Variants in SERF2 observed in about 807,000 individuals in gnomAD.
The protein encoded by SERF2 is small EDRK-rich factor 2.
SERF2 carries 4 observed loss-of-function variants against 10.7 expected under a neutral mutation model. The ratio of observed to expected loss-of-function variants is 0.37; its 90% CI spans 0.18 to 0.86. The LOEUF (loss-of-function observed/expected upper bound fraction) is 0.86. Among genes scored for constraint, SERF2 ranks in the 40% least tolerant of loss-of-function variants. The pLI is 0.43. For missense variants in SERF2, 47 were observed against 79.1 expected (o/e 0.59, Z 1.54); for synonymous variants, 26 against 26.0 (o/e 1.00, Z 0.01).
upstream of SERF2, among the ~76,000 whole-genome samples, chr15:43,790,702 G>GA (rs1040974868): frequency 3.3e-5 from 5 of 152,120 alleles, no homozygotes; most frequent in African/African-American, 7.2e-5. Context: ...ACAGGAAGCA[G>GA]AGGTTGCAGT....
chr15:43,789,006 G>A (rs1200212683), upstream of SERF2, among the ~76,000 whole-genome samples: 2 of 152,006 alleles, frequency 1.3e-5, no homozygotes, highest in South Asian at 4.1e-4. Flanking sequence ...AAAATTAGCC[G>A]GGCGTAGTGG....
In SERF2 at chr15:43,794,192, T is replaced by C; in HGVS notation, c.*419T>C. On this transcript the variant is annotated 3_prime_UTR_variant, in exon 3 of 3. Coordinates refer to ENST00000249786, the MANE Select transcript of SERF2 (RefSeq NM_001018108.4). Reference sequence around the variant, plus strand: ...GAAACATCACAGAAGAAGCCTTTATTATACAATGACAACCAAACAAGTACT... The same window carrying C: ...GAAACATCACAGAAGAAGCCTTTATCATACAATGACAACCAAACAAGTACT... 1.9e-6 allele frequency: 1 copy of C among 526,262 alleles called. No individual in the cohort carries two copies. The highest frequency in any genetic ancestry group is 3.3e-6 in the Non-Finnish European group (1 of 298,878). 32.6% of individuals were successfully genotyped at this position (526,262 alleles called of 1,614,324 possible).
Position 43,795,522 on chromosome 15 carries a change from C to T in SERF2, c.*1749C>T, listed in dbSNP as rs1193921795. 21 of 1,614,040 alleles carry T rather than the reference C, an allele frequency of 1.3e-5. No individual in the cohort carries two copies. The highest frequency in any genetic ancestry group is 1.7e-5 in the Non-Finnish European group (20 of 1,180,044). ...GAGGGGTTTCTTGGTCAGCTGGCCT[C>T]GCAGCCCCACCCCTTTGCCCTGGAG... On this transcript the variant is annotated 3_prime_UTR_variant, in exon 3 of 3. Coordinates refer to ENST00000249786, the MANE Select transcript of SERF2 (RefSeq NM_001018108.4).
chr15:43,784,834 C>A (rs1178333173), intron 1 of SERF2, among the ~76,000 whole-genome samples: 1 of 151,196 alleles, frequency 6.6e-6, no homozygotes, highest in Non-Finnish European at 1.5e-5. Flanking sequence ...CTCACTGCAA[C>A]CTCCACCTAC....
chr15:43,782,385 T>C (rs2086971689), intron 1 of SERF2, among the ~76,000 whole-genome samples: 1 of 152,208 alleles, frequency 6.6e-6, no homozygotes, highest in Non-Finnish European at 1.5e-5. Context: ...CCTTCTTGTA[T>C]GTTCCTCTAC....
chr15:43,781,353 G>A (rs532526097), intron 1 of SERF2, among the ~76,000 whole-genome samples: 6 of 152,154 alleles, frequency 3.9e-5, no homozygotes, highest in Admixed American at 1.3e-4. Context: ...TCAGGAGTTC[G>A]AGACCAGCCT....
chr15:43,792,417 C>T (rs1274650059), intron 1 of SERF2, 34 bp downstream of exon 1: 7 of 1,613,830 alleles, frequency 4.3e-6, no homozygotes, highest in Non-Finnish European at 2.5e-6. Flanking sequence ...TTGCCCTTTT[C>T]TTTCCGTTCA....
chr15:43,792,091 C>G (rs2087071320), upstream of SERF2: 5 of 528,868 alleles, frequency 9.5e-6, no homozygotes, highest in Non-Finnish European at 1.7e-5. Flanking sequence ...CCAACCTGCC[C>G]ACGTGACCCG....
intron 1 of SERF2, 53 bp from the exon 2 acceptor site, chr15:43,792,922 C>A (rs959048913): frequency 7.7e-7 from 1 of 1,299,444 alleles, no homozygotes; most frequent in Non-Finnish European, 1.1e-6. Flanking sequence ...GAAGGGTCGC[C>A]GGTGTGTGGG....
rs1400835640 is a variant in SERF2 at position 43,792,739 on chromosome 15, AAC to A, written c.8-233_8-232del. On this transcript the variant is annotated intron_variant, in intron 1 of 2. Transcript: ENST00000249786. ...CTGTTTGGGCCCCACGCCGCCCCAA[AAC>A]ACGCCTCCAGCTGGCCCCTTGGGAC... The A allele has an allele frequency of 7.3e-6, 6 of 825,298 alleles. No individual in the cohort carries two copies. In the African/African-American group the frequency reaches 1.0e-4, roughly 14 times the overall value. 51.1% of individuals were successfully genotyped at this position (825,298 alleles called of 1,614,324 possible).
At chr15:43,786,152 A>G (rs561141075) in intron 2 of SERF2, among the ~76,000 whole-genome samples, 4 of 152,018 alleles carry the variant, frequency 2.6e-5, no homozygotes, top group African/African-American at 9.6e-5. Context: ...ACAGCGGCTC[A>G]CGCCTGTAAT....
exon 1 of SERF2, chr15:43,777,446 C>A: frequency 4.8e-6 from 1 of 206,290 alleles, no homozygotes; most frequent in South Asian, 6.1e-5. Flanking sequence ...CGAGACAGCG[C>A]CTGGGCTTTT....
At chr15:43,786,283 C>T (rs1476309827) in intron 2 of SERF2, among the ~76,000 whole-genome samples, 2 of 151,530 alleles carry the variant, frequency 1.3e-5, no homozygotes, top group Non-Finnish European at 2.9e-5. Flanking sequence ...GGTGTGGTGG[C>T]GGGTGCCTGT....
exon 1 of SERF2, chr15:43,777,114 A>C: frequency 1.3e-6 from 1 of 770,666 alleles, no homozygotes. Context: ...AACCGCCCGG[A>C]CCTCGGCGCT....
In SERF2 at chr15:43,792,354, A is replaced by G. The variant is rs1169934767; in HGVS notation, c.-23A>G. The G allele has an allele frequency of 2.5e-6, 4 of 1,587,460 alleles. No individual in the cohort carries two copies. The highest frequency in any genetic ancestry group is 3.5e-6 in the Non-Finnish European group (4 of 1,155,714). On this transcript the variant is annotated 5_prime_UTR_variant, in exon 1 of 3. Coordinates refer to ENST00000249786, the MANE Select transcript of SERF2 (RefSeq NM_001018108.4). The stretch of plus-strand genomic sequence containing the variant: ...CAGAACGAGGGGACGTAACGGAGGC[A>G]GGTTGGAGCCGCTGCCGTCGCCATG...
intron 1 of SERF2, among the ~76,000 whole-genome samples, chr15:43,783,927 A>ATTTTTT (rs71111825): frequency 2.9e-3 from 139 of 48,136 alleles, no homozygotes; most frequent in Non-Finnish European, 3.5e-3. Context: ...ACGCCCAGCT[A>ATTTTTT]TTTTTTTTTT....
Position 43,793,155 on chromosome 15 carries a change from A to G in SERF2, c.116+72A>G, listed in dbSNP as rs564872431. 88 of 946,902 alleles carry G rather than the reference A, an allele frequency of 9.3e-5. 1 individual carries two copies. The South Asian group carries it at 1.1e-3, about 12-fold the overall frequency. The allele number at this position is 946,902 out of a possible 1,614,324, so 58.7% of individuals were successfully genotyped here. ...GACCAAGGGTTATAGAAGGAAAGAG[A>G]GCTACCTCAGGGCTTGAATGTGGAC... On this transcript the variant is annotated intron_variant, in intron 2 of 2. Transcript: ENST00000249786.
chr15:43,792,461 C>T, intron 1 of SERF2, 78 bp downstream of exon 1: 2 of 1,612,004 alleles, frequency 1.2e-6, no homozygotes, highest in East Asian at 2.2e-5. Context: ...CCGGCTTTGA[C>T]CTTCCGTAGC....
Position 43,795,418 on chromosome 15 carries a change from T to TA in SERF2, c.*1646dup. 6.2e-7 allele frequency: 1 copy of TA among 1,614,068 alleles called. No homozygotes were observed. The highest frequency in any genetic ancestry group is 8.5e-7 in the Non-Finnish European group (1 of 1,180,000). On this transcript the variant is annotated 3_prime_UTR_variant, in exon 3 of 3. Coordinates refer to ENST00000249786, the MANE Select transcript of SERF2 (RefSeq NM_001018108.4). ...CCAGTTGGTAAGGGTAACCATGACATAGAGTGAGGCAAGGAAGAAGACGAA... is the reference window on the plus strand; with the variant it reads ...CCAGTTGGTAAGGGTAACCATGACATAAGAGTGAGGCAAGGAAGAAGACGAA...
Sources: allele counts gnomAD v4.1 joint callset (sites outside exome capture counted in the v4.1 genomes callset), GRCh38; gene constraint gnomAD v4.1.1; transcripts MANE v1.5; gene names NCBI Gene and HGNC (gene_info 2026-07-23, HGNC 2026-07-21).